The following ZRANB3 variants were observed in gnomAD, a reference collection of about 807,000 sequenced individuals.
ZRANB3 encodes zinc finger RANBP2-type containing 3, also known as DNA annealing helicase and endonuclease ZRANB3.
A neutral mutation model predicts 133.8 loss-of-function variants in ZRANB3; 125 were observed. The observed-to-expected ratio is 0.93, with a 90% CI of 0.81 to 1.08. The LOEUF (loss-of-function observed/expected upper bound fraction) is 1.08. ZRANB3 is among the 50% of genes least tolerant of loss of function. The pLI is 0.00. For missense variants in ZRANB3, 1,229 were observed against 1,275.5 expected (o/e 0.96, Z 0.56); for synonymous variants, 387 against 432.7 (o/e 0.89, Z 1.31).
intron 7 of ZRANB3, 63 bp downstream of exon 7, chr2:135,315,291 GTATAA>G: frequency 7.8e-7 from 1 of 1,276,726 alleles, no homozygotes; most frequent in Non-Finnish European, 1.0e-6. Flanking sequence ...TATGAAATAC[GTATAA>G]TCTTTAATAG....
intron 1 of ZRANB3, among the ~76,000 whole-genome samples, chr2:135,512,577 T>G (rs940461700): frequency 4.0e-5 from 6 of 151,812 alleles, no homozygotes; most frequent in South Asian, 2.1e-4. Context: ...TAAATTTACA[T>G]GTTGCTTTTA....
intron 6 of ZRANB3, among the ~76,000 whole-genome samples, chr2:135,319,460 T>C (rs1043561097): frequency 1.3e-5 from 2 of 152,238 alleles, no homozygotes; most frequent in African/African-American, 4.8e-5. Flanking sequence ...ATGATAATTT[T>C]TTAAAGTTTA....
At chr2:135,423,674 G>C (rs537140719) in intron 2 of ZRANB3, among the ~76,000 whole-genome samples, 27 of 152,118 alleles carry the variant, frequency 1.8e-4, no homozygotes, top group Non-Finnish European at 3.2e-4. Context: ...CACAGTGGAG[G>C]GTAGGGGGAT....
intron 2 of ZRANB3, among the ~76,000 whole-genome samples, chr2:135,421,649 C>T (rs1688847194): frequency 6.6e-6 from 1 of 152,030 alleles, no homozygotes; most frequent in African/African-American, 2.4e-5. Context: ...ACCAAAATTC[C>T]TCTCTGACTA....
chr2:135,259,064 G>T (rs1281894300), intron 12 of ZRANB3, among the ~76,000 whole-genome samples: 1 of 152,142 alleles, frequency 6.6e-6, no homozygotes. Context: ...TTGAGACAGG[G>T]TCTCACTCTG....
At chr2:135,477,803 G>C (rs981471730) in intron 2 of ZRANB3, among the ~76,000 whole-genome samples, 7 of 152,064 alleles carry the variant, frequency 4.6e-5, no homozygotes, top group African/African-American at 1.7e-4. Flanking sequence ...AGACCAGCCT[G>C]GGCAACACAG....
chr2:135,225,107 T>C (rs1315060114), intron 14 of ZRANB3, among the ~76,000 whole-genome samples: 1 of 152,184 alleles, frequency 6.6e-6, no homozygotes, highest in East Asian at 1.9e-4. Flanking sequence ...ACAATTATAG[T>C]TAACATTTAG....
chr2:135,470,558 G>A (rs550642624), intron 2 of ZRANB3, among the ~76,000 whole-genome samples: 8 of 150,662 alleles, frequency 5.3e-5, no homozygotes, highest in African/African-American at 1.7e-4. Context: ...GTGGTGGCAG[G>A]CGCCTGTAAT....
intron 2 of ZRANB3, among the ~76,000 whole-genome samples, chr2:135,426,016 T>C (rs184491944): frequency 2.0e-5 from 3 of 152,126 alleles, no homozygotes; most frequent in Admixed American, 6.6e-5. Context: ...GACATTACCA[T>C]TGACCCCACA....
chr2:135,343,060 G>A (rs1367871418), intron 6 of ZRANB3, among the ~76,000 whole-genome samples: 2 of 143,146 alleles, frequency 1.4e-5, no homozygotes, highest in Non-Finnish European at 3.0e-5. Flanking sequence ...GGCAGCACAC[G>A]GCTGTAGTCC....
chr2:135,249,422 AG>A (rs1215747766), intron 12 of ZRANB3, among the ~76,000 whole-genome samples: 1 of 152,272 alleles, frequency 6.6e-6, no homozygotes, highest in Non-Finnish European at 1.5e-5. Flanking sequence ...GCCATAAAAA[AG>A]AATGATATAA....
intron 3 of ZRANB3, among the ~76,000 whole-genome samples, chr2:135,389,444 C>T (rs546857823): frequency 7.9e-5 from 12 of 152,164 alleles, no homozygotes; most frequent in African/African-American, 2.7e-4. Flanking sequence ...CTGTGGCTCA[C>T]GCCTGTAATC....
intron 2 of ZRANB3, among the ~76,000 whole-genome samples, chr2:135,502,972 A>T (rs925452278): frequency 6.6e-6 from 1 of 152,236 alleles, no homozygotes; most frequent in Non-Finnish European, 1.5e-5. Context: ...AATTTTAAGA[A>T]GTTTTTCATA....
intron 20 of ZRANB3, among the ~76,000 whole-genome samples, chr2:135,201,319 G>C (rs1362152504): frequency 2.0e-5 from 3 of 151,966 alleles, no homozygotes; most frequent in Non-Finnish European, 2.9e-5. Context: ...CCCAATTGAA[G>C]TCCATGTGAG....
chr2:135,395,130 G>C (rs1343636558), intron 2 of ZRANB3, among the ~76,000 whole-genome samples: 10 of 151,996 alleles, frequency 6.6e-5, no homozygotes, highest in Admixed American at 5.9e-4. Context: ...TTACCAGCAA[G>C]GTACTAGCAT....
intron 6 of ZRANB3, among the ~76,000 whole-genome samples, chr2:135,339,685 T>C (rs542745782): frequency 1.3e-5 from 2 of 152,380 alleles, no homozygotes; most frequent in South Asian, 2.1e-4. Context: ...TTAAATGTTA[T>C]AATTTTTATA....
At chr2:135,248,152 G>T (rs1452378961) in intron 12 of ZRANB3, among the ~76,000 whole-genome samples, 1 of 152,182 alleles carries the variant, frequency 6.6e-6, no homozygotes, top group Non-Finnish European at 1.5e-5. Context: ...GGGGCCCTCA[G>T]CTACTTTAGT....
intron 12 of ZRANB3, among the ~76,000 whole-genome samples, chr2:135,258,948 C>A (rs1679802019): frequency 6.6e-6 from 1 of 152,186 alleles, no homozygotes; most frequent in Non-Finnish European, 1.5e-5. Flanking sequence ...TTTTAACTTG[C>A]ACTTTTTACC....
chr2:135,342,079 T>C (rs1195058367), intron 6 of ZRANB3, among the ~76,000 whole-genome samples: 2 of 149,762 alleles, frequency 1.3e-5, no homozygotes, highest in East Asian at 1.9e-4. Flanking sequence ...CTTTTGAAAA[T>C]CGCTAATAAA....
Sources: gnomAD v4.1 joint callset for allele counts (sites outside exome capture counted in the v4.1 genomes callset) on GRCh38, gnomAD v4.1.1 for gene constraint, MANE v1.5 for transcripts, NCBI Gene and HGNC (gene_info 2026-07-23, HGNC 2026-07-21) for gene names.